Variants in KIF26B observed in about 807,000 individuals in gnomAD.
KIF26B encodes the protein kinesin-like protein KIF26B.
Under a neutral mutation model 151.2 loss-of-function variants are expected in KIF26B, and 63 were observed. The ratio of observed to expected loss-of-function variants is 0.42; its 90% confidence interval spans 0.34 to 0.51. The LOEUF (loss-of-function observed/expected upper bound fraction) is 0.51, where lower values mean the gene tolerates loss of function less well. KIF26B is among the 20% of genes least tolerant of loss of function. The pLI, the probability that KIF26B is intolerant of heterozygous loss-of-function variation, is 0.07. For missense variants in KIF26B, 2,813 were observed against 2,913.6 expected (o/e 0.97, Z 0.79); for synonymous variants, 1,357 against 1,262.1 (o/e 1.08, Z -1.59).
At chr1:245,200,865 T>A (rs996082494) in intron 2 of KIF26B, among the ~76,000 whole-genome samples, 1 of 152,216 alleles carries the variant, frequency 6.6e-6, no homozygotes, top group Non-Finnish European at 1.5e-5. Context: ...GGCATAATAC[T>A]GATGGGACCA....
intron 2 of KIF26B, among the ~76,000 whole-genome samples, chr1:245,269,940 C>T (rs1210521374): frequency 6.6e-6 from 1 of 152,194 alleles, no homozygotes; most frequent in Non-Finnish European, 1.5e-5. Flanking sequence ...ATTCTGTTTT[C>T]AATTCTATTG....
At position 245,366,903 on chromosome 1, in the gene KIF26B, G is replaced by T. The variant is rs766430523; in HGVS notation, c.535G>T (p.Asp179Tyr). The change falls in exon 3 of 15, where the codon GAC becomes TAC. Residue 179 changes from aspartate to tyrosine, a missense_variant. Transcript: ENST00000407071. ...CAACACCATCCGGAAGGCATGGAACGACCGGGACAACCGCTGTGACATTTG... is the reference window on the plus strand; with the variant it reads ...CAACACCATCCGGAAGGCATGGAACTACCGGGACAACCGCTGTGACATTTG... ...VPNTIRKAWN[D>Y]RDNRCDICAT... The T allele has an allele frequency of 1.2e-6, 2 of 1,613,912 alleles. No individual in the cohort carries two copies. Among genetic ancestry groups the T allele is most frequent in the Non-Finnish European group, 1.7e-6 (2 of 1,179,906 alleles).
At chr1:245,550,807 T>C (rs74154419) in intron 5 of KIF26B, among the ~76,000 whole-genome samples, 1 of 152,190 alleles carries the variant, frequency 6.6e-6, no homozygotes, top group Non-Finnish European at 1.5e-5. Flanking sequence ...TCTTTTTTTG[T>C]GAGCCTCAAA....
chr1:245,470,245 C>T (rs909508763), intron 4 of KIF26B, among the ~76,000 whole-genome samples: 2 of 151,566 alleles, frequency 1.3e-5, no homozygotes, highest in African/African-American at 4.8e-5. Flanking sequence ...TGGTAGTGCT[C>T]GTGTGTTAGG....
intron 4 of KIF26B, among the ~76,000 whole-genome samples, chr1:245,522,187 G>T (rs1661143308): frequency 6.6e-6 from 1 of 152,084 alleles, no homozygotes; most frequent in Non-Finnish European, 1.5e-5. Flanking sequence ...TTTTCATCTT[G>T]ACCATGGACC....
intron 10 of KIF26B, among the ~76,000 whole-genome samples, chr1:245,647,565 C>T (rs1393151493): frequency 6.6e-6 from 1 of 152,104 alleles, no homozygotes; most frequent in Non-Finnish European, 1.5e-5. Context: ...AAACACCGAC[C>T]TTACAGAGTT....
rs527850722 is a variant in KIF26B at position 245,698,317 on chromosome 1, G to A, written c.6027+9G>A. 5.0e-6 allele frequency: 8 copies of A among 1,610,472 alleles called. No individual in the cohort carries two copies. The highest frequency in any genetic ancestry group is 6.8e-6 in the Non-Finnish European group (8 of 1,178,886). ...GAGGGGGTGCCAGCAAGGTGAGGCA[G>A]CCTCCTTCCCACCCCCTGCCTACGT... is the stretch of plus-strand genomic sequence containing the variant. On this transcript the variant is annotated intron_variant, in intron 13 of 14. Transcript: ENST00000407071. This position sits in a 1 kb window ranked among gnomAD's most constrained non-coding sequence, Gnocchi z 4.0.
intron 2 of KIF26B, among the ~76,000 whole-genome samples, chr1:245,362,465 G>A (rs1418382487): frequency 6.6e-6 from 1 of 151,462 alleles, no homozygotes; most frequent in Non-Finnish European, 1.5e-5. Flanking sequence ...TTGAACCAGG[G>A]AGGCGGAGGT....
intron 2 of KIF26B, among the ~76,000 whole-genome samples, chr1:245,328,255 G>A (rs946614951): frequency 6.6e-6 from 1 of 151,692 alleles, no homozygotes; most frequent in African/African-American, 2.4e-5. Context: ...GCAGGGGGGA[G>A]GGGGGTCCCA....
At chr1:245,297,932 G>T (rs1671365915) in intron 2 of KIF26B, among the ~76,000 whole-genome samples, 1 of 152,136 alleles carries the variant, frequency 6.6e-6, no homozygotes, top group South Asian at 2.1e-4. Flanking sequence ...TGTTGCCCAG[G>T]CTGGAGTGCA....
intron 2 of KIF26B, among the ~76,000 whole-genome samples, chr1:245,269,123 G>A (rs540358128): frequency 1.2e-4 from 19 of 152,142 alleles, no homozygotes; most frequent in Admixed American, 5.2e-4. Context: ...TATGGACACT[G>A]TTGTACAATA....
chr1:245,500,209 A>G (rs1358984128), intron 4 of KIF26B, among the ~76,000 whole-genome samples: 2 of 152,202 alleles, frequency 1.3e-5, no homozygotes, highest in Admixed American at 6.5e-5. Context: ...AAAGAAAGCC[A>G]TTTCATCAGG....
chr1:245,620,327 A>G (rs1036644840), intron 9 of KIF26B, among the ~76,000 whole-genome samples: 1 of 152,172 alleles, frequency 6.6e-6, no homozygotes, highest in Non-Finnish European at 1.5e-5. Context: ...CCAACTGGGT[A>G]TAGACTTTTT....
At chr1:245,639,360 GTTTT>G (rs1481242747) in intron 9 of KIF26B, among the ~76,000 whole-genome samples, 1 of 151,428 alleles carries the variant, frequency 6.6e-6, no homozygotes, top group African/African-American at 2.4e-5. Flanking sequence ...TGGGTCTTCT[GTTTT>G]TTCTTAGTCT....
chr1:245,635,022 T>G (rs913570586), intron 9 of KIF26B, among the ~76,000 whole-genome samples: 1 of 151,906 alleles, frequency 6.6e-6, no homozygotes, highest in Non-Finnish European at 1.5e-5. Flanking sequence ...TACAATTTTC[T>G]AATATGGCTC....
chr1:245,475,908 A>G (rs1457275571), intron 4 of KIF26B, among the ~76,000 whole-genome samples: 5 of 151,890 alleles, frequency 3.3e-5, no homozygotes, highest in African/African-American at 1.2e-4. Flanking sequence ...ATTCTTAGGG[A>G]TATACCCAAG....
intron 4 of KIF26B, among the ~76,000 whole-genome samples, chr1:245,489,499 ATCTC>A (rs1660352417): frequency 6.6e-6 from 1 of 152,258 alleles, no homozygotes; most frequent in Non-Finnish European, 1.5e-5. Flanking sequence ...GTCTGCAAGT[ATCTC>A]AACCTGTCAT....
At chr1:245,529,676 G>A (rs1428602828) in intron 4 of KIF26B, among the ~76,000 whole-genome samples, 1 of 152,132 alleles carries the variant, frequency 6.6e-6, no homozygotes, top group Non-Finnish European at 1.5e-5. Flanking sequence ...AAAGGAGAAG[G>A]TTTTACATTG....
chr1:245,204,244 T>C (rs1357955849), intron 2 of KIF26B, among the ~76,000 whole-genome samples: 2 of 152,192 alleles, frequency 1.3e-5, no homozygotes, highest in Non-Finnish European at 2.9e-5. Context: ...GCACTGGGGC[T>C]TCATGGATGG....
Sources: gnomAD v4.1 joint callset for allele counts (sites outside exome capture counted in the v4.1 genomes callset) on GRCh38, gnomAD v4.1.1 for gene constraint, Gnocchi (gnomAD v3.1) non-coding constraint, MANE v1.5 for transcripts, NCBI Gene and HGNC (gene_info 2026-07-23, HGNC 2026-07-21) for gene names.